The following AP4S1 variants were observed in gnomAD, a reference collection of about 807,000 sequenced individuals.
AP4S1 encodes the protein AP-4 complex subunit sigma-1.
In AP4S1, 23 loss-of-function variants were observed where a neutral mutation model predicts 19.8. The ratio of observed to expected loss-of-function variants is 1.16; its 90% confidence interval spans 0.84 to 1.65. The LOEUF (loss-of-function observed/expected upper bound fraction) is 1.65, where lower values mean the gene tolerates loss of function less well. Among genes scored for constraint, AP4S1 ranks in the 40% most tolerant of loss-of-function variants. The probability of loss-of-function intolerance (pLI) is 0.00; values close to 1 mark genes in which losing one functional copy is unlikely to be tolerated. For synonymous variants in AP4S1, 46 were observed against 54.1 expected (o/e 0.85, Z 0.66); for missense variants, 166 against 172.8 (o/e 0.96, Z 0.22).
intron 1 of AP4S1, among the ~76,000 whole-genome samples, chr14:31,030,697 T>C (rs1016336980): frequency 6.6e-6 from 1 of 152,098 alleles, no homozygotes; most frequent in African/African-American, 2.4e-5. Context: ...ATTTTTCAGG[T>C]GCTCTACTGC....
At chr14:31,076,972 C>G (rs1279184173) in intron 4 of AP4S1, among the ~76,000 whole-genome samples, 1 of 152,086 alleles carries the variant, frequency 6.6e-6, no homozygotes, top group Non-Finnish European at 1.5e-5. Flanking sequence ...GCTCTTGTTG[C>G]CCAGGTTGGA....
rs78440242 is a variant in AP4S1 at position 31,084,490 on chromosome 14, T to G, written c.306+3906T>G. ...AAGCATAAGAAATCAGGACAGAAAC[T>G]CTGGCTTGTTGAAAAGCCTTCCATT... On this transcript the variant is annotated intron_variant, in intron 5 of 5. Transcript: ENST00000542754. 3.3e-5 allele frequency among the ~76,000 whole-genome samples: 5 copies of G among 152,368 alleles called. No individual in the cohort carries two copies. The East Asian group carries it at 5.8e-4, about 18-fold the overall frequency.
At chr14:31,087,288 G>A (rs889162197) in intron 5 of AP4S1, among the ~76,000 whole-genome samples, 1 of 152,168 alleles carries the variant, frequency 6.6e-6, no homozygotes, top group Admixed American at 6.6e-5. Context: ...GCTGGTACTA[G>A]TTTCTGGGTT....
chr14:31,073,306 C>T (rs539501124), intron 4 of AP4S1: 4,375 of 241,592 alleles, frequency 0.018, 195 homozygotes, highest in African/African-American at 0.089. Flanking sequence ...CTGGCTAATA[C>T]GGTGAAACCC....
chr14:31,042,020 A>G (rs577990126), intron 1 of AP4S1, among the ~76,000 whole-genome samples: 3 of 152,066 alleles, frequency 2.0e-5, no homozygotes, highest in East Asian at 1.9e-4. Flanking sequence ...TAGTAGACAC[A>G]GGGTTTTGCC....
chr14:31,031,535 A>G (rs970831501), intron 1 of AP4S1, among the ~76,000 whole-genome samples: 7 of 152,234 alleles, frequency 4.6e-5, no homozygotes, highest in African/African-American at 1.7e-4. Flanking sequence ...TTAAAGTTCA[A>G]TAACCAGAAC....
intron 3 of AP4S1, among the ~76,000 whole-genome samples, chr14:31,071,284 T>C (rs1422310573): frequency 6.6e-6 from 1 of 152,160 alleles, no homozygotes; most frequent in African/African-American, 2.4e-5. Flanking sequence ...TCTTCACAGA[T>C]AGAAAAATGA....
intron 1 of AP4S1, among the ~76,000 whole-genome samples, chr14:31,049,290 T>C (rs1233899039): frequency 1.3e-5 from 2 of 149,812 alleles, no homozygotes; most frequent in African/African-American, 4.9e-5. Context: ...GGCGGGTGCC[T>C]GTAGCCCCAG....
chr14:31,069,800 T>C, intron 2 of AP4S1, 43 bp from the exon 3 acceptor site: 1 of 1,451,110 alleles, frequency 6.9e-7, no homozygotes, highest in Non-Finnish European at 9.7e-7. Flanking sequence ...TAAAGAACTC[T>C]CTCTCAGCCA....
intron 1 of AP4S1, among the ~76,000 whole-genome samples, chr14:31,035,891 C>T (rs1450907966): frequency 1.3e-5 from 2 of 151,752 alleles, no homozygotes; most frequent in South Asian, 2.1e-4. Context: ...CCACAAGGCC[C>T]GGCTAATTTT....
chr14:31,092,562 G>T (rs772739599), intron 5 of AP4S1, among the ~76,000 whole-genome samples: 4 of 152,148 alleles, frequency 2.6e-5, no homozygotes, highest in Non-Finnish European at 5.9e-5. Flanking sequence ...ATTATTGTCT[G>T]GGAAGACAAC....
chr14:31,060,363 A>G (rs1365464438), intron 1 of AP4S1, among the ~76,000 whole-genome samples: 4 of 152,148 alleles, frequency 2.6e-5, no homozygotes, highest in African/African-American at 4.8e-5. Flanking sequence ...AATACCCTGC[A>G]TACCAAGGGT....
At chr14:31,083,836 T>A (rs1427358220) in intron 5 of AP4S1, among the ~76,000 whole-genome samples, 1 of 152,258 alleles carries the variant, frequency 6.6e-6, no homozygotes, top group South Asian at 2.1e-4. Context: ...TAAAAACCCC[T>A]GACTCTCCTC....
At chr14:31,085,907 T>C in intron 5 of AP4S1, 1 of 897,636 alleles carries the variant, frequency 1.1e-6, no homozygotes, top group South Asian at 5.1e-5. Context: ...TTCATGTCCC[T>C]TCTATTGCAG....
At chr14:31,087,870 C>A (rs886083990) in intron 5 of AP4S1, among the ~76,000 whole-genome samples, 1 of 152,162 alleles carries the variant, frequency 6.6e-6, no homozygotes, top group African/African-American at 2.4e-5. Flanking sequence ...AACATGCTCT[C>A]CAAAAGTGGA....
chr14:31,081,798 A>T (rs1887651200), intron 5 of AP4S1, among the ~76,000 whole-genome samples: 1 of 151,690 alleles, frequency 6.6e-6, no homozygotes. Context: ...ATTTTGCCAG[A>T]AATATTAAGT....
chr14:31,072,521 C>G (rs1887068384), intron 3 of AP4S1, among the ~76,000 whole-genome samples: 1 of 152,254 alleles, frequency 6.6e-6, no homozygotes, highest in Non-Finnish European at 1.5e-5. Context: ...CAGGCATGCA[C>G]CACCACACCT....
intron 1 of AP4S1, among the ~76,000 whole-genome samples, chr14:31,064,415 G>A (rs933669582): frequency 7.2e-5 from 11 of 152,112 alleles, no homozygotes; most frequent in Admixed American, 5.2e-4. Context: ...TCCGCCTCCC[G>A]GATTCAAGCA....
chr14:31,047,060 C>G (rs1885452155), intron 1 of AP4S1, among the ~76,000 whole-genome samples: 1 of 152,118 alleles, frequency 6.6e-6, no homozygotes, highest in South Asian at 2.1e-4. Context: ...GAAATTGTAT[C>G]TTACTGGGGT....
Sources: allele counts gnomAD v4.1 joint callset (sites outside exome capture counted in the v4.1 genomes callset), GRCh38; gene constraint gnomAD v4.1.1; transcripts MANE v1.5; gene names NCBI Gene and HGNC (gene_info 2026-07-23, HGNC 2026-07-21).